Variants in LSM1 observed in about 807,000 individuals in gnomAD.
LSM1 encodes the protein U6 snRNA-associated Sm-like protein LSm1.
LSM1 carries 13 observed loss-of-function variants against 18.0 expected under a neutral mutation model. That is an observed-to-expected ratio of 0.72 (90% CI 0.47 to 1.15). The LOEUF is 1.15. LSM1 is among the 50% of genes most tolerant of loss of function. The pLI is 0.00. For missense variants in LSM1, 152 were observed against 157.7 expected (o/e 0.96, Z 0.19); for synonymous variants, 46 against 56.0 (o/e 0.82, Z 0.80).
chr8:38,175,075 T>A (rs930756408), intron 1 of LSM1, among the ~76,000 whole-genome samples: 2 of 140,116 alleles, frequency 1.4e-5, no homozygotes, highest in Non-Finnish European at 3.1e-5. Flanking sequence ...CTGTCAACCA[T>A]AAAATGATTT....
intron 3 of LSM1, among the ~76,000 whole-genome samples, chr8:38,168,823 T>C (rs149587737): frequency 7.0e-4 from 106 of 152,214 alleles, no homozygotes; most frequent in African/African-American, 2.2e-3. Flanking sequence ...TTGGGCAGTA[T>C]TGATAGTCTG....
At chr8:38,172,705 CTAT>C (rs1803052206) in intron 1 of LSM1, among the ~76,000 whole-genome samples, 1 of 152,188 alleles carries the variant, frequency 6.6e-6, no homozygotes, top group Non-Finnish European at 1.5e-5. Context: ...ATCTAGATGA[CTAT>C]TATCTTATTT....
intron 1 of LSM1, among the ~76,000 whole-genome samples, chr8:38,175,497 A>G (rs559678127): frequency 6.6e-6 from 1 of 152,222 alleles, no homozygotes; most frequent in Non-Finnish European, 1.5e-5. Flanking sequence ...CATGATTAAA[A>G]CAATAAAAAA....
rs769909686 is a variant in LSM1 at position 38,169,865 on chromosome 8, G to A, written c.168C>T (p.Tyr56=). 77 of 1,613,618 alleles carry A rather than the reference G, an allele frequency of 4.8e-5. No homozygotes were observed. Among genetic ancestry groups the A allele is most frequent in the Non-Finnish European group, 6.2e-5 (73 of 1,179,834 alleles). ...TVERIHVGKK[Y]GDIPRGIFVV... ...CAAAAATCCCTCGAGGAATATCACC[G>A]TATTTTTTGCCCACATGAATACGCT... Residue 56 remains tyrosine, a synonymous_variant, in exon 3 of 4, where the codon TAC becomes TAT. Transcript: ENST00000311351.
rs757848283 is a variant in LSM1 at position 38,175,082 on chromosome 8, A to ATT, written c.46+1191_46+1192dup. ...AAAAAGATCTGTCAACCATAAAATG[A>ATT]TTTTTTTTTTTTTTTTGAGACGGAG... On this transcript the variant is annotated intron_variant, in intron 1 of 3. Coordinates refer to ENST00000311351, the MANE Select transcript of LSM1 (RefSeq NM_014462.3). 8.0e-3 allele frequency among the ~76,000 whole-genome samples: 997 copies of ATT among 125,186 alleles called. 21 individuals carry two copies. The highest frequency in any genetic ancestry group is 0.012 in the Non-Finnish European group (734 of 60,162). 82.1% of individuals were successfully genotyped at this position (125,186 alleles called of 152,430 possible). A position where few individuals can be genotyped will look rare whatever the true frequency, so the allele number is the denominator to read the frequency against.
rs1274679843 is a variant in LSM1, at chr8:38,176,420, C to T, written c.-100G>A. On this transcript the variant is annotated 5_prime_UTR_variant, in exon 1 of 4. Coordinates refer to ENST00000311351, the MANE Select transcript of LSM1 (RefSeq NM_014462.3). ...GTCGCCGCCTCGGTGGGACCAAGCC[C>T]GGAATCCCGACCGAGACCAGCACTT... The T allele has an allele frequency of 2.1e-6, 2 of 942,738 alleles. No individual in the cohort carries two copies. The highest frequency in any genetic ancestry group is 1.5e-5 in the South Asian group (1 of 68,046). 58.4% of individuals were successfully genotyped at this position (942,738 alleles called of 1,614,324 possible).
At chr8:38,166,717 G>A (rs962463872) in intron 3 of LSM1, among the ~76,000 whole-genome samples, 1 of 152,180 alleles carries the variant, frequency 6.6e-6, no homozygotes, top group East Asian at 1.9e-4. Flanking sequence ...CACCACAGAA[G>A]TTACAATGAA....
Position 38,176,408 on chromosome 8 carries a change from T to C in LSM1, c.-88A>G. The C allele has an allele frequency of 9.2e-7, 1 of 1,086,838 alleles. No homozygotes were observed. The highest frequency in any genetic ancestry group is 1.4e-6 in the Non-Finnish European group (1 of 732,996). 67.3% of individuals were successfully genotyped at this position (1,086,838 alleles called of 1,614,324 possible). On this transcript the variant is annotated 5_prime_UTR_variant, in exon 1 of 4. Coordinates refer to ENST00000311351, the MANE Select transcript of LSM1 (RefSeq NM_014462.3). ...CCTCCTACCGCAGTCGCCGCCTCGGTGGGACCAAGCCCGGAATCCCGACCG... is the reference window on the plus strand; with the variant it reads ...CCTCCTACCGCAGTCGCCGCCTCGGCGGGACCAAGCCCGGAATCCCGACCG...
intron 3 of LSM1, among the ~76,000 whole-genome samples, chr8:38,166,963 C>G (rs947541809): frequency 1.4e-4 from 21 of 152,202 alleles, no homozygotes; most frequent in Non-Finnish European, 2.6e-4. Flanking sequence ...TCATCATCAT[C>G]GTCCTTGAGG....
rs1406463833 is a variant in LSM1, at chr8:38,169,722, TTC to T, written c.231+78_231+79del. 2.5e-5 allele frequency: 19 copies of T among 771,242 alleles called. No individual in the cohort carries two copies. The Middle Eastern group carries it at 7.1e-4, about 29-fold the overall frequency. 47.8% of individuals were successfully genotyped at this position (771,242 alleles called of 1,614,324 possible). On this transcript the variant is annotated intron_variant, in intron 3 of 3. Coordinates refer to ENST00000311351, the MANE Select transcript of LSM1 (RefSeq NM_014462.3). ...CAGATAAATGTGGAGAATATTTTTA[TTC>T]TCTTTTGAAAAGACAAAAAAAGAAG... is the stretch of plus-strand genomic sequence containing the variant.
intron 2 of LSM1, among the ~76,000 whole-genome samples, chr8:38,170,322 CCA>C (rs749923806): frequency 4.6e-5 from 7 of 152,306 alleles, no homozygotes; most frequent in Non-Finnish European, 8.8e-5. Flanking sequence ...CAGGCGTGAG[CCA>C]CAGTGCCGGG....
At position 38,168,591 on chromosome 8, in the gene LSM1, C is replaced by CAAA. The variant is rs34880510; in HGVS notation, c.231+1208_231+1210dup. ...GGGCAACAGGAGCAAAACTCTGTCC[C>CAAA]AAAAAAAAAAAAAAACCCAAAAAAC... On this transcript the variant is annotated intron_variant, in intron 3 of 3. Transcript: ENST00000311351. Among the ~76,000 whole-genome samples, 7 of 100,506 alleles carry CAAA rather than the reference C, an allele frequency of 7.0e-5. 1 individual carries two copies. Among genetic ancestry groups the CAAA allele is most frequent in the African/African-American group, 1.7e-4 (5 of 29,228 alleles). The allele number at this position is 100,506 out of a possible 152,430, so 65.9% of individuals were successfully genotyped here.
intron 3 of LSM1, among the ~76,000 whole-genome samples, chr8:38,168,240 C>T (rs1215919395): frequency 6.7e-6 from 1 of 150,126 alleles, no homozygotes; most frequent in South Asian, 2.2e-4. Context: ...GGATTACAGG[C>T]GTGAGGCACC....
At chr8:38,171,098 C>A in intron 2 of LSM1, 1 of 348,996 alleles carries the variant, frequency 2.9e-6, no homozygotes, top group South Asian at 2.1e-5. Context: ...TCCAATGTAT[C>A]CCTATATGTA....
At chr8:38,171,873 T>G in intron 2 of LSM1, 92 bp downstream of exon 2, 1 of 918,482 alleles carries the variant, frequency 1.1e-6, no homozygotes, top group Non-Finnish European at 1.7e-6. Context: ...CGTGAAAAAG[T>G]TGCAGATAAA....
chr8:38,176,362 CA>C lies in LSM1; in HGVS notation c.-43del. ...GCTGCAATGCACAGCGGCGGGAGGC[CA>C]GCGCGTCCAAAACCTCTTCCCTCCT... On this transcript the variant is annotated 5_prime_UTR_variant, in exon 1 of 4. Coordinates refer to ENST00000311351, the MANE Select transcript of LSM1 (RefSeq NM_014462.3). The C allele has an allele frequency of 1.3e-6, 2 of 1,562,232 alleles. No individual in the cohort carries two copies. Among genetic ancestry groups the C allele is most frequent in the Non-Finnish European group, 1.8e-6 (2 of 1,140,474 alleles).
intron 3 of LSM1, 45 bp from the exon 4 acceptor site, chr8:38,163,885 T>G: frequency 6.4e-7 from 1 of 1,561,046 alleles, no homozygotes; most frequent in East Asian, 2.2e-5. Flanking sequence ...AGACCAAGAA[T>G]AGAAAGCACA....
At chr8:38,168,017 A>G (rs551833477) in intron 3 of LSM1, among the ~76,000 whole-genome samples, 1 of 150,564 alleles carries the variant, frequency 6.6e-6, no homozygotes, top group Non-Finnish European at 1.5e-5. Flanking sequence ...GCTGGAGTGC[A>G]CTGGCACGAT....
chr8:38,170,342 G>A (rs1485192046), intron 2 of LSM1, among the ~76,000 whole-genome samples: 1 of 152,156 alleles, frequency 6.6e-6, no homozygotes, highest in Admixed American at 6.5e-5. Flanking sequence ...GGGCCCCCAA[G>A]CTTTCTAATT....
Sources: allele counts gnomAD v4.1 joint callset (sites outside exome capture counted in the v4.1 genomes callset), GRCh38; gene constraint gnomAD v4.1.1; transcripts MANE v1.5; gene names NCBI Gene and HGNC (gene_info 2026-07-23, HGNC 2026-07-21).